PCGF6: variants seen among roughly 807,000 people sequenced by gnomAD.
The protein encoded by PCGF6 is polycomb group RING finger protein 6.
In PCGF6, 24 loss-of-function variants were observed where a neutral mutation model predicts 45.5. The ratio of observed to expected loss-of-function variants is 0.53; its 90% CI spans 0.38 to 0.74. The LOEUF (loss-of-function observed/expected upper bound fraction) is 0.74, where lower values mean the gene tolerates loss of function less well. Among genes scored for constraint, PCGF6 ranks in the 30% least tolerant of loss-of-function variants. The pLI, the probability that PCGF6 is intolerant of heterozygous loss-of-function variation, is 0.00. For synonymous variants in PCGF6, 152 were observed against 162.1 expected (o/e 0.94, Z 0.47); for missense variants, 356 against 443.2 (o/e 0.80, Z 1.77).
At chr10:103,346,948 T>A (rs760979550) in intron 5 of PCGF6, among the ~76,000 whole-genome samples, 7 of 152,248 alleles carry the variant, frequency 4.6e-5, no homozygotes, top group Non-Finnish European at 8.8e-5. Context: ...AATGAAGTGG[T>A]ATGATTATCA....
intron 6 of PCGF6, among the ~76,000 whole-genome samples, chr10:103,342,966 C>A (rs1308665801): frequency 6.6e-6 from 1 of 151,818 alleles, no homozygotes; most frequent in Non-Finnish European, 1.5e-5. Flanking sequence ...GGAGTCTCTG[C>A]CGCCCAGGCT....
chr10:103,328,151 G>A (rs1457354213), intron 7 of PCGF6, among the ~76,000 whole-genome samples: 1 of 152,110 alleles, frequency 6.6e-6, no homozygotes, highest in Admixed American at 6.6e-5. Context: ...ACGACCTCAT[G>A]CAAATAAAAA....
At chr10:103,345,260 G>A in intron 5 of PCGF6, 128 bp from the exon 6 acceptor site, 2 of 662,670 alleles carry the variant, frequency 3.0e-6, no homozygotes, top group Non-Finnish European at 5.0e-6. Flanking sequence ...CAATCTCCCT[G>A]TCTTTAATGA....
At chr10:103,340,543 A>G (rs1210126966) in intron 6 of PCGF6, among the ~76,000 whole-genome samples, 1 of 152,128 alleles carries the variant, frequency 6.6e-6, no homozygotes, top group Non-Finnish European at 1.5e-5. Context: ...AAAGGTATAA[A>G]AAGTGGATCC....
Position 103,348,795 on chromosome 10 carries a change from C to T in PCGF6, c.478G>A (p.Val160Ile), listed in dbSNP as rs1310345075. The T allele has an allele frequency of 6.2e-6, 10 of 1,612,766 alleles. No homozygotes were observed. The highest frequency in any genetic ancestry group is 4.0e-5 in the African/African-American group (3 of 74,850). The stretch of plus-strand genomic sequence containing the variant: ...CTGTTGCTGTAGTAAAAATGTCTTA[C>T]GATGCAGCTTTTACAAACTGTTGAA... ...CLHTFCKSCI[V>I]RHFYYSNRCP... Residue 160 changes from valine to isoleucine, a missense_variant, in exon 3 of 10, where the codon GTA (valine) becomes ATA (isoleucine). This residue lies in a region of PCGF6 where 307 missense variants were observed against 350.1 expected (regional missense o/e 0.88). Coordinates refer to ENST00000369847, the MANE Select transcript of PCGF6 (RefSeq NM_001011663.2).
At chr10:103,340,039 T>G (rs900617980) in intron 6 of PCGF6, among the ~76,000 whole-genome samples, 1 of 141,562 alleles carries the variant, frequency 7.1e-6, no homozygotes. Flanking sequence ...AATTCAGGCA[T>G]GGTGGTATGC....
intron 7 of PCGF6, among the ~76,000 whole-genome samples, chr10:103,328,559 G>A (rs1027363813): frequency 3.9e-5 from 6 of 152,116 alleles, no homozygotes; most frequent in African/African-American, 1.4e-4. Flanking sequence ...GAACTTGTCT[G>A]TGTCTCTATT....
chr10:103,346,845 G>A (rs974413939), intron 5 of PCGF6, among the ~76,000 whole-genome samples: 26 of 152,146 alleles, frequency 1.7e-4, no homozygotes, highest in Admixed American at 1.7e-3. Context: ...TGTCCATTCC[G>A]TGACATTACA....
At chr10:103,335,922 G>A (rs977803011) in intron 6 of PCGF6, among the ~76,000 whole-genome samples, 3 of 143,546 alleles carry the variant, frequency 2.1e-5, no homozygotes, top group African/African-American at 7.8e-5. Flanking sequence ...AGCTGAGATC[G>A]TGTCACTACA....
rs113365678 is a variant in PCGF6 at position 103,331,283 on chromosome 10, C to T, written c.810+2642G>A. ...TATTATGTTTTTTGAGACAGAGGTT[C>T]GCTCTTTTGCCCAGGCTGGAGTGAA... On this transcript the variant is annotated intron_variant, in intron 7 of 9. Coordinates refer to ENST00000369847, the MANE Select transcript of PCGF6 (RefSeq NM_001011663.2). 9.9e-5 allele frequency among the ~76,000 whole-genome samples: 15 copies of T among 152,224 alleles called. No individual in the cohort carries two copies. The East Asian group carries it at 1.2e-3, about 12-fold the overall frequency.
chr10:103,314,412 G>C lies in PCGF6; in HGVS notation c.910-140C>G, dbSNP rs554804643. ...TAGACTGATTAAACGCTCTTGAAAA[G>C]AGAGTTTTAGAAACTTTTTACAGAA... is the stretch of plus-strand genomic sequence containing the variant. On this transcript the variant is annotated intron_variant, in intron 8 of 9. Transcript: ENST00000369847. The C allele has an allele frequency of 7.8e-6, 4 of 514,786 alleles. No homozygotes were observed. In the South Asian group the frequency reaches 8.9e-5, roughly 12 times the overall value. 31.9% of individuals were successfully genotyped at this position (514,786 alleles called of 1,614,324 possible). A position where few individuals can be genotyped will look rare whatever the true frequency, so the allele number is the denominator to read the frequency against.
At chr10:103,324,096 T>G (rs912474267) in intron 8 of PCGF6, among the ~76,000 whole-genome samples, 1 of 148,518 alleles carries the variant, frequency 6.7e-6, no homozygotes, top group African/African-American at 2.4e-5. Flanking sequence ...TGTGCCACCA[T>G]GCCAAGCTAT....
intron 9 of PCGF6, among the ~76,000 whole-genome samples, chr10:103,306,554 T>A (rs2093138934): frequency 1.3e-5 from 2 of 152,192 alleles, no homozygotes; most frequent in Non-Finnish European, 2.9e-5. Context: ...CTGCTCTGGC[T>A]ATTACTCTCC....
chr10:103,346,524 T>G (rs1406214692), intron 5 of PCGF6, among the ~76,000 whole-genome samples: 1 of 151,518 alleles, frequency 6.6e-6, no homozygotes, highest in Non-Finnish European at 1.5e-5. Flanking sequence ...CTCAGGAGGC[T>G]GAGGCAGGAG....
At chr10:103,332,428 A>G (rs1359475231) in intron 7 of PCGF6, among the ~76,000 whole-genome samples, 1 of 152,152 alleles carries the variant, frequency 6.6e-6, no homozygotes, top group African/African-American at 2.4e-5. Context: ...TGCCCATGCC[A>G]ACATGCAGAG....
intron 9 of PCGF6, among the ~76,000 whole-genome samples, chr10:103,307,976 C>G (rs189167809): frequency 1.6e-3 from 251 of 152,264 alleles, no homozygotes; most frequent in Middle Eastern, 3.4e-3. Context: ...TGGCTCACGC[C>G]TGGAATCCCA....
chr10:103,331,696 T>G (rs2093240544), intron 7 of PCGF6, among the ~76,000 whole-genome samples: 1 of 152,266 alleles, frequency 6.6e-6, no homozygotes, highest in Non-Finnish European at 1.5e-5. Context: ...ATCTCTTTCC[T>G]TTTTAATTTA....
chr10:103,335,422 C>G (rs1758931207), intron 6 of PCGF6, among the ~76,000 whole-genome samples: 1 of 151,012 alleles, frequency 6.6e-6, no homozygotes, highest in Admixed American at 6.6e-5. Context: ...AGTGCAGTGG[C>G]GTGATCTCGG....
At position 103,345,050 on chromosome 10, in the gene PCGF6, A is replaced by T. The variant is rs372984226; in HGVS notation, c.756T>A (p.Asp252Glu). The change falls in exon 6 of 10, where the codon GAT (aspartate) becomes GAA (glutamate). Residue 252 changes from aspartate (D) to glutamate (E), a missense_variant. Asp to Glu is a conservative substitution (Grantham distance 45, BLOSUM62 2). This residue lies in a region of PCGF6 where 307 missense variants were observed against 350.1 expected (regional missense o/e 0.88). Coordinates refer to ENST00000369847, the MANE Select transcript of PCGF6 (RefSeq NM_001011663.2). ...ESVFRIPPEL[D>E]MSLLLEFIGA... is the part of the protein sequence containing the mutation. ...CAATGAACTCCAGTAATAAAGACAT[A>T]TCAAGTTCAGGTGGAATACGAAACA... The T allele has an allele frequency of 1.1e-5, 18 of 1,609,826 alleles. No homozygotes were observed. The highest frequency in any genetic ancestry group is 1.2e-5 in the Non-Finnish European group (14 of 1,177,026).
Sources: allele counts gnomAD v4.1 joint callset (sites outside exome capture counted in the v4.1 genomes callset), GRCh38; gene constraint gnomAD v4.1.1; regional missense constraint gnomAD v4.1.1; transcripts MANE v1.5; gene names NCBI Gene and HGNC (gene_info 2026-07-23, HGNC 2026-07-21).